Variants in PPP2R3A observed in about 807,000 individuals in gnomAD.
PPP2R3A encodes the protein serine/threonine-protein phosphatase 2A regulatory subunit B'' subunit alpha.
A neutral mutation model predicts 106.9 loss-of-function variants in PPP2R3A; 80 were observed. That is an observed-to-expected ratio of 0.75 (90% confidence interval 0.62 to 0.90). The LOEUF is 0.90. Among genes scored for constraint, PPP2R3A ranks in the 40% least tolerant of loss-of-function variants. The pLI, the probability that PPP2R3A is intolerant of heterozygous loss-of-function variation, is 0.00. For synonymous variants in PPP2R3A, 483 were observed against 468.3 expected (o/e 1.03, Z -0.41); for missense variants, 1,386 against 1,350.4 (o/e 1.03, Z -0.41).
chr3:136,130,126 A>G (rs1208241349), intron 13 of PPP2R3A, among the ~76,000 whole-genome samples: 8 of 152,092 alleles, frequency 5.3e-5, no homozygotes, highest in Non-Finnish European at 1.5e-5. Context: ...TGCCCTCTCT[A>G]ACCACTCCTA....
intron 5 of PPP2R3A, among the ~76,000 whole-genome samples, chr3:136,061,920 CTA>C (rs10616074): frequency 0.46 from 56,628 of 124,440 alleles, 13,487 homozygotes; most frequent in African/African-American, 0.7. Context: ...GAGCAAGACT[CTA>C]TCTCAAAAAA....
At chr3:136,083,088 C>A (rs990351761) in intron 8 of PPP2R3A, among the ~76,000 whole-genome samples, 1 of 152,184 alleles carries the variant, frequency 6.6e-6, no homozygotes, top group Non-Finnish European at 1.5e-5. Context: ...GAACACGGCT[C>A]ACTGTAACCT....
chr3:136,145,957 A>G lies in PPP2R3A; in HGVS notation c.*791A>G, dbSNP rs745384061. 1.3e-5 allele frequency: 2 copies of G among 152,264 alleles called. No individual in the cohort carries two copies. The highest frequency in any genetic ancestry group is 2.9e-5 in the Non-Finnish European group (2 of 68,046). The allele number at this position is 152,264 out of a possible 1,614,324, so 9.4% of individuals were successfully genotyped here. A position where few individuals can be genotyped will look rare whatever the true frequency, so the allele number is the denominator to read the frequency against. On this transcript the variant is annotated 3_prime_UTR_variant, in exon 14 of 14. Transcript: ENST00000264977. Reference sequence around the variant, plus strand: ...ATTGAATGATGTATTTAATATCCAAATTAGTTGATAACTGTTTTCACTTCC... The same window carrying G: ...ATTGAATGATGTATTTAATATCCAAGTTAGTTGATAACTGTTTTCACTTCC...
intron 1 of PPP2R3A, among the ~76,000 whole-genome samples, chr3:135,992,388 C>T (rs1378849393): frequency 6.6e-6 from 1 of 152,182 alleles, no homozygotes; most frequent in African/African-American, 2.4e-5. Context: ...CATGGACATT[C>T]AATCAACTCT....
chr3:136,040,699 C>CTGCG (rs1935236433), intron 3 of PPP2R3A, among the ~76,000 whole-genome samples, 160 bp from the exon 4 acceptor site: 1 of 130,180 alleles, frequency 7.7e-6, no homozygotes, highest in Non-Finnish European at 1.6e-5. Flanking sequence ...CTCTCTGAAT[C>CTGCG]TACCCTAGTT....
At chr3:136,137,759 T>C (rs1938685834) in intron 13 of PPP2R3A, among the ~76,000 whole-genome samples, 1 of 152,036 alleles carries the variant, frequency 6.6e-6, no homozygotes, top group African/African-American at 2.4e-5. Context: ...GCCAGGACGA[T>C]CTCGATCTCC....
At chr3:135,985,772 A>G (rs1932894267) in intron 1 of PPP2R3A, among the ~76,000 whole-genome samples, 1 of 152,220 alleles carries the variant, frequency 6.6e-6, no homozygotes. Context: ...CAAGATCAGC[A>G]TGATTAATGT....
chr3:136,004,098 A>G (rs1933756854), intron 2 of PPP2R3A, among the ~76,000 whole-genome samples: 1 of 152,256 alleles, frequency 6.6e-6, no homozygotes, highest in South Asian at 2.1e-4. Context: ...GAAGATAAAG[A>G]CTAAAGGGTA....
chr3:136,011,908 A>G (rs1576433038), intron 2 of PPP2R3A, among the ~76,000 whole-genome samples: 2 of 152,044 alleles, frequency 1.3e-5, no homozygotes, highest in African/African-American at 2.4e-5. Flanking sequence ...GTCCTTGACT[A>G]TCAGTTCCAA....
At chr3:136,059,178 A>G (rs1935987072) in intron 5 of PPP2R3A, among the ~76,000 whole-genome samples, 1 of 152,222 alleles carries the variant, frequency 6.6e-6, no homozygotes, top group Non-Finnish European at 1.5e-5. Flanking sequence ...AGCAAAAGAA[A>G]CTATCAACAG....
At chr3:136,129,196 A>G (rs1381756226) in intron 13 of PPP2R3A, among the ~76,000 whole-genome samples, 7 of 138,970 alleles carry the variant, frequency 5.0e-5, no homozygotes, top group Non-Finnish European at 1.0e-4. Flanking sequence ...GATAGAGACA[A>G]AAAAAAAAAC....
intron 10 of PPP2R3A, among the ~76,000 whole-genome samples, chr3:136,094,462 A>G (rs1324380509): frequency 1.3e-5 from 2 of 152,260 alleles, no homozygotes; most frequent in African/African-American, 4.8e-5. Context: ...TGTAGAAATC[A>G]ATATGAGAAA....
At chr3:136,057,080 AC>A (rs1396947427) in intron 5 of PPP2R3A, among the ~76,000 whole-genome samples, 19 of 136,802 alleles carry the variant, frequency 1.4e-4, no homozygotes, top group Non-Finnish European at 2.9e-4. Flanking sequence ...CCCCCCCCAC[AC>A]ACACCGTTGG....
intron 13 of PPP2R3A, among the ~76,000 whole-genome samples, chr3:136,143,454 G>A (rs1656419442): frequency 6.6e-6 from 1 of 152,084 alleles, no homozygotes; most frequent in Non-Finnish European, 1.5e-5. Flanking sequence ...TCATGCCACT[G>A]CACTCCAGCC....
At chr3:136,006,925 A>G (rs1933866052) in intron 2 of PPP2R3A, among the ~76,000 whole-genome samples, 1 of 152,230 alleles carries the variant, frequency 6.6e-6, no homozygotes, top group Non-Finnish European at 1.5e-5. Context: ...TGCTTATATT[A>G]TTATGAATTC....
intron 13 of PPP2R3A, among the ~76,000 whole-genome samples, chr3:136,120,973 ACTG>A (rs61406526): frequency 6.9e-4 from 105 of 152,320 alleles, no homozygotes; most frequent in Non-Finnish European, 1.3e-3. Context: ...ATGCACATAC[ACTG>A]CTGGTGGATG....
At chr3:136,125,617 T>TG (rs1938150571) in intron 13 of PPP2R3A, among the ~76,000 whole-genome samples, 1 of 152,044 alleles carries the variant, frequency 6.6e-6, no homozygotes, top group Admixed American at 6.6e-5. Flanking sequence ...GAGGCCAAGG[T>TG]GGGAGGATCG....
intron 5 of PPP2R3A, chr3:136,055,496 G>A: frequency 4.2e-6 from 5 of 1,177,726 alleles, no homozygotes; most frequent in Non-Finnish European, 6.4e-6. Flanking sequence ...GACCAGTTTA[G>A]TTTGGAGATT....
At chr3:135,971,177 A>G (rs1332324171) in intron 1 of PPP2R3A, among the ~76,000 whole-genome samples, 1 of 152,194 alleles carries the variant, frequency 6.6e-6, no homozygotes, top group African/African-American at 2.4e-5. Flanking sequence ...AGTTGCATGC[A>G]TGTAAAAACT....
Sources: gnomAD v4.1 joint callset for allele counts (sites outside exome capture counted in the v4.1 genomes callset) on GRCh38, gnomAD v4.1.1 for gene constraint, MANE v1.5 for transcripts, NCBI Gene and HGNC (gene_info 2026-07-23, HGNC 2026-07-21) for gene names.